Variants in VPS53 observed in about 807,000 individuals in gnomAD.
The protein encoded by VPS53 is VPS53 subunit of GARP complex.
A neutral mutation model predicts 107.0 loss-of-function variants in VPS53; 70 were observed. The observed-to-expected ratio is 0.65, with a 90% CI of 0.54 to 0.80. VPS53 has a LOEUF of 0.80. Ranked by LOEUF, VPS53 falls within the 30% of genes least tolerant of loss-of-function variation. The pLI is 0.00. For synonymous variants in VPS53, 409 were observed against 393.3 expected (o/e 1.04, Z -0.47); for missense variants, 917 against 1,049.4 (o/e 0.87, Z 1.74).
In VPS53 at chr17:511,517, C is replaced by T. The variant is rs1480811163; in HGVS notation, c.*7611G>A. 6.6e-6 allele frequency: 1 copy of T among 152,190 alleles called. No individual in the cohort carries two copies. The highest frequency in any genetic ancestry group is 1.5e-5 in the Non-Finnish European group (1 of 68,038). 9.4% of individuals were successfully genotyped at this position (152,190 alleles called of 1,614,324 possible). ...ACGTTGGACGCTATTTTTATTTTAA[C>T]ATCTCATATTGCCCCAGGTTCTCTG... is the stretch of plus-strand genomic sequence containing the variant. On this transcript the variant is annotated 3_prime_UTR_variant, in exon 22 of 22. Transcript: ENST00000437048.
intron 12 of VPS53, 105 bp from the exon 13 acceptor site, chr17:586,469 A>C (rs1474128841): frequency 9.1e-7 from 1 of 1,093,354 alleles, no homozygotes; most frequent in Non-Finnish European, 1.3e-6. Context: ...AGTCACAGAT[A>C]AGAGAGTACT....
intron 12 of VPS53, among the ~76,000 whole-genome samples, chr17:586,709 A>C (rs974490813): frequency 2.0e-5 from 3 of 152,238 alleles, no homozygotes; most frequent in African/African-American, 4.8e-5. Flanking sequence ...AGAATTTAAA[A>C]AGTGCTTTCA....
chr17:607,431 A>T (rs961625036), intron 11 of VPS53, among the ~76,000 whole-genome samples: 2 of 152,216 alleles, frequency 1.3e-5, no homozygotes, highest in African/African-American at 4.8e-5. Flanking sequence ...GTGGATATGC[A>T]TTCCCGCTAG....
intron 10 of VPS53, among the ~76,000 whole-genome samples, chr17:625,280 A>C (rs956536484): frequency 1.3e-5 from 2 of 152,018 alleles, no homozygotes; most frequent in African/African-American, 4.8e-5. Flanking sequence ...TAAACCACCA[A>C]GCCTGGCCCA....
At position 610,153 on chromosome 17, in the gene VPS53, ACACACACAC is replaced by A. The variant is rs1968793589; in HGVS notation, c.1117-8266_1117-8258del. On this transcript the variant is annotated intron_variant, in intron 11 of 21. Transcript: ENST00000437048. Reference sequence around the variant, plus strand: ...CACACACACACACACACACACACACACACACACACACACACACACACACACAAATTAGTA... The same window carrying A: ...CACACACACACACACACACACACACAACACACACACACACACAAATTAGTA... Among the ~76,000 whole-genome samples the A allele has an allele frequency of 4.0e-5, 6 of 151,148 alleles. No individual in the cohort carries two copies. The South Asian group carries it at 1.3e-3, about 32-fold the overall frequency.
intron 4 of VPS53, among the ~76,000 whole-genome samples, chr17:693,826 A>AT (rs11388079): frequency 0.99 from 150,923 of 152,340 alleles, 74,781 homozygotes; most frequent in Middle Eastern, 1. Context: ...TTTTGTCCAT[A>AT]TGCCACTCCC....
chr17:524,065 G>A lies in VPS53; in HGVS notation c.2086-2327C>T, dbSNP rs1326498733. Among the ~76,000 whole-genome samples the A allele has an allele frequency of 6.6e-6, 1 of 152,162 alleles. No individual in the cohort carries two copies. The highest frequency in any genetic ancestry group is 1.5e-5 in the Non-Finnish European group (1 of 68,036). ...TGTAATCCCAGCATTTTGGGAGGCC[G>A]AGGCGGGTGGATCATCTGAGGTCAG... On this transcript the variant is annotated intron_variant, in intron 19 of 21. Transcript: ENST00000437048. The surrounding 1 kb of genome is among the most constrained non-coding windows in gnomAD (Gnocchi z 4.5).
At position 655,748 on chromosome 17, in the gene VPS53, T is replaced by C. The variant is rs74965944; in HGVS notation, c.488+90A>G. 7.7e-3 allele frequency: 9,568 copies of C among 1,235,762 alleles called. 47 individuals are homozygous for C. Among genetic ancestry groups the C allele is most frequent in the Non-Finnish European group, 9.2e-3 (8,194 of 895,008 alleles). 76.5% of individuals were successfully genotyped at this position (1,235,762 alleles called of 1,614,324 possible). A position where few individuals can be genotyped will look rare whatever the true frequency, so the allele number is the denominator to read the frequency against. On this transcript the variant is annotated intron_variant, in intron 6 of 21. Transcript: ENST00000437048. ...AAAGTGGGGCAGGATGGTGAGACTT[T>C]CCTGGCTGAGAAGTAAATAGGCGAC...
intron 1 of VPS53, among the ~76,000 whole-genome samples, chr17:712,782 A>G (rs1198816585): frequency 6.6e-6 from 1 of 152,224 alleles, no homozygotes. Context: ...CCTGTACCCC[A>G]AAAGCTGTTG....
chr17:596,080 C>T (rs541783168), intron 12 of VPS53, among the ~76,000 whole-genome samples: 2 of 152,232 alleles, frequency 1.3e-5, no homozygotes, highest in African/African-American at 2.4e-5. Context: ...GTACACTGTA[C>T]CTCGCTGTAC....
At chr17:692,172 G>A (rs1339352288) in intron 4 of VPS53, among the ~76,000 whole-genome samples, 2 of 152,086 alleles carry the variant, frequency 1.3e-5, no homozygotes, top group South Asian at 4.1e-4. Flanking sequence ...ACTTCCCACT[G>A]CCGGCTTTTT....
intron 10 of VPS53, 49 bp from the exon 11 acceptor site, chr17:623,723 T>C: frequency 1.9e-6 from 3 of 1,567,096 alleles, no homozygotes; most frequent in Middle Eastern, 1.9e-4. Context: ...GATCATTCAT[T>C]CAGTAGAGAT....
At chr17:649,979 G>A (rs1461797696) in intron 7 of VPS53, among the ~76,000 whole-genome samples, 1 of 152,150 alleles carries the variant, frequency 6.6e-6, no homozygotes, top group Non-Finnish European at 1.5e-5. Context: ...AGGAAGACTG[G>A]GTTGAGGAAT....
intron 4 of VPS53, among the ~76,000 whole-genome samples, chr17:682,044 C>T (rs1972411626): frequency 1.3e-5 from 2 of 152,172 alleles, no homozygotes; most frequent in South Asian, 4.1e-4. Context: ...TCTGGCTTCA[C>T]ATAGATATAT....
intron 7 of VPS53, among the ~76,000 whole-genome samples, chr17:643,713 A>C (rs1970555186): frequency 6.6e-6 from 1 of 151,884 alleles, no homozygotes; most frequent in Non-Finnish European, 1.5e-5. Flanking sequence ...TGAGGACAAC[A>C]CTCATACTTG....
At chr17:619,360 T>C (rs1183311778) in intron 11 of VPS53, among the ~76,000 whole-genome samples, 1 of 143,132 alleles carries the variant, frequency 7.0e-6, no homozygotes, top group African/African-American at 2.6e-5. Flanking sequence ...TAGCTGGGAC[T>C]ACAGGCGCGC....
At chr17:694,065 A>G (rs930004147) in intron 4 of VPS53, among the ~76,000 whole-genome samples, 1 of 152,170 alleles carries the variant, frequency 6.6e-6, no homozygotes, top group Non-Finnish European at 1.5e-5. Context: ...ACAGGACCCA[A>G]GAGCTCCTTG....
chr17:601,755 C>T (rs764121347), intron 12 of VPS53, 40 bp downstream of exon 12: 2 of 1,491,828 alleles, frequency 1.3e-6, no homozygotes, highest in Non-Finnish European at 9.1e-7. Flanking sequence ...CAGAAACGCA[C>T]ATTGGGTAGG....
intron 2 of VPS53, among the ~76,000 whole-genome samples, chr17:709,369 G>A (rs954751591): frequency 6.6e-6 from 1 of 152,118 alleles, no homozygotes; most frequent in African/African-American, 2.4e-5. Context: ...TTTCTCCCTA[G>A]TTTCTAAAAA....
Sources: gnomAD v4.1 joint callset for allele counts (sites outside exome capture counted in the v4.1 genomes callset) on GRCh38, gnomAD v4.1.1 for gene constraint, Gnocchi (gnomAD v3.1) non-coding constraint, MANE v1.5 for transcripts, NCBI Gene and HGNC (gene_info 2026-07-23, HGNC 2026-07-21) for gene names.